Variants in STXBP5L observed in about 807,000 individuals in gnomAD.
The protein encoded by STXBP5L is syntaxin binding protein 5L, also known as syntaxin-binding protein 5-like.
STXBP5L carries 65 observed loss-of-function variants against 144.5 expected under a neutral mutation model. The observed-to-expected ratio is 0.45, with a 90% CI of 0.37 to 0.55. STXBP5L has a LOEUF of 0.55. Ranked by LOEUF, STXBP5L falls within the 20% of genes least tolerant of loss-of-function variation. The probability of loss-of-function intolerance (pLI) is 0.00; values close to 1 mark genes in which losing one functional copy is unlikely to be tolerated. For missense variants in STXBP5L, 1,298 were observed against 1,405.5 expected, an observed-to-expected ratio of 0.92 and a Z score of 1.22; for synonymous variants, 505 against 469.6, an observed-to-expected ratio of 1.08 and a Z score of -0.97.
At chr3:120,987,804 A>G (rs1170920882) in intron 3 of STXBP5L, among the ~76,000 whole-genome samples, 2 of 151,804 alleles carry the variant, frequency 1.3e-5, no homozygotes, top group East Asian at 3.8e-4. Context: ...TCTGGGTAAT[A>G]CTATCTTCAT....
chr3:120,984,937 T>C (rs1404558394), intron 3 of STXBP5L, among the ~76,000 whole-genome samples: 2 of 152,090 alleles, frequency 1.3e-5, no homozygotes, highest in Non-Finnish European at 2.9e-5. Flanking sequence ...TTTTTTCCCA[T>C]TCAGTCTCTT....
chr3:121,381,470 C>T lies in STXBP5L; in HGVS notation c.2525C>T (p.Ser842Phe), dbSNP rs2046322460. 3.1e-6 allele frequency: 5 copies of T among 1,597,066 alleles called. No homozygotes were observed. The highest frequency in any genetic ancestry group is 4.3e-6 in the Non-Finnish European group (5 of 1,175,612). Residue 842 changes from serine to phenylalanine, a missense_variant, in exon 22 of 27, where the codon TCC (serine) becomes TTC (phenylalanine). Coordinates refer to ENST00000471454, the MANE Select transcript of STXBP5L (RefSeq NM_001308330.2). Reference protein sequence around the residue: ...GTSLGMVLIISLNLPLADEQR... With the variant: ...GTSLGMVLIIFLNLPLADEQR... ...AGTCTGGGAATGGTGTTAATCATCT[C>T]CTTAAACCTACCATTAGCAGATGAA...
chr3:120,999,436 C>T (rs1943597959), intron 3 of STXBP5L, among the ~76,000 whole-genome samples: 2 of 152,142 alleles, frequency 1.3e-5, no homozygotes, highest in African/African-American at 4.8e-5. Context: ...GATCTTTCTC[C>T]ATCCCTTTAA....
chr3:121,090,509 T>C (rs780714849), intron 5 of STXBP5L, among the ~76,000 whole-genome samples: 1 of 152,158 alleles, frequency 6.6e-6, no homozygotes, highest in African/African-American at 2.4e-5. Flanking sequence ...TTCAGGAGCA[T>C]GAAAATAGAC....
chr3:120,998,738 A>C (rs573413498), intron 3 of STXBP5L, among the ~76,000 whole-genome samples: 21 of 152,324 alleles, frequency 1.4e-4, no homozygotes, highest in African/African-American at 4.3e-4. Context: ...CCAAGCTGAG[A>C]GTTAAATCAA....
chr3:121,044,918 A>G (rs1169158279), intron 4 of STXBP5L, among the ~76,000 whole-genome samples: 1 of 152,146 alleles, frequency 6.6e-6, no homozygotes, highest in Non-Finnish European at 1.5e-5. Context: ...TAATTGATGA[A>G]GCTTCTTGGA....
intron 5 of STXBP5L, among the ~76,000 whole-genome samples, chr3:121,051,774 C>A (rs1250844722): frequency 6.6e-6 from 1 of 152,020 alleles, no homozygotes; most frequent in African/African-American, 2.4e-5. Context: ...CAAAAAAACC[C>A]TTCAAAAAAT....
chr3:121,336,622 G>A (rs558647723), intron 20 of STXBP5L, among the ~76,000 whole-genome samples: 1 of 152,100 alleles, frequency 6.6e-6, no homozygotes, highest in Non-Finnish European at 1.5e-5. Flanking sequence ...ATGCTGCAAG[G>A]TTGCAGAGAA....
chr3:121,095,870 T>C (rs988304153), intron 5 of STXBP5L, among the ~76,000 whole-genome samples: 7 of 152,168 alleles, frequency 4.6e-5, no homozygotes, highest in Admixed American at 3.9e-4. Context: ...CTGTGATTTT[T>C]AGAATATTTA....
chr3:120,958,411 G>A (rs987146742), intron 3 of STXBP5L, among the ~76,000 whole-genome samples: 9 of 152,222 alleles, frequency 5.9e-5, no homozygotes, highest in Admixed American at 2.6e-4. Flanking sequence ...CATTTTATCA[G>A]GCCAGCATCA....
intron 22 of STXBP5L, among the ~76,000 whole-genome samples, chr3:121,390,604 A>T (rs141382190): frequency 6.6e-6 from 1 of 152,260 alleles, no homozygotes; most frequent in Non-Finnish European, 1.5e-5. Context: ...ATCTCTCAGT[A>T]TTTGCTTATC....
In STXBP5L at chr3:121,413,256, T is replaced by C; in HGVS notation, c.3047T>C (p.Leu1016Ser). Residue 1016 changes from leucine (L) to serine (S), a missense_variant, in exon 24 of 27, where the codon TTA (leucine) becomes TCA (serine). Leu to Ser is a moderately radical substitution (Grantham distance 145). Coordinates refer to ENST00000471454, the MANE Select transcript of STXBP5L (RefSeq NM_001308330.2). ...TFCFTNEGQA[L>S]YLVSPTEIQR... is the part of the protein sequence containing the mutation. Reference sequence around the variant, plus strand: ...TGTTTTACCAATGAAGGACAGGCATTATACCTCGTCTCTCCTACTGAAATT... The same window carrying C: ...TGTTTTACCAATGAAGGACAGGCATCATACCTCGTCTCTCCTACTGAAATT... 1 of 1,609,316 alleles carries C rather than the reference T, an allele frequency of 6.2e-7. No individual in the cohort carries two copies. Among genetic ancestry groups the C allele is most frequent in the Non-Finnish European group, 8.5e-7 (1 of 1,178,616 alleles).
chr3:121,389,401 C>G (rs534962313), intron 22 of STXBP5L, among the ~76,000 whole-genome samples: 1 of 152,256 alleles, frequency 6.6e-6, no homozygotes, highest in South Asian at 2.1e-4. Flanking sequence ...CTGCTCTGAT[C>G]TTAGTTATTT....
chr3:121,118,300 G>C (rs2044315642), intron 6 of STXBP5L, among the ~76,000 whole-genome samples: 1 of 151,724 alleles, frequency 6.6e-6, no homozygotes, highest in African/African-American at 2.4e-5. Flanking sequence ...TATCTGTGAA[G>C]ATTGTTACAT....
At chr3:121,298,884 A>T (rs2051769892) in intron 19 of STXBP5L, among the ~76,000 whole-genome samples, 1 of 152,190 alleles carries the variant, frequency 6.6e-6, no homozygotes, top group Non-Finnish European at 1.5e-5. Flanking sequence ...ACACTGAAAA[A>T]TTTGTTTAGA....
intron 3 of STXBP5L, among the ~76,000 whole-genome samples, chr3:121,002,868 C>A (rs954180585): frequency 2.0e-5 from 3 of 152,054 alleles, no homozygotes; most frequent in Admixed American, 2.0e-4. Flanking sequence ...ATCCATGTCC[C>A]TACAAAGAAC....
chr3:121,370,996 T>C (rs2046012887), intron 20 of STXBP5L, among the ~76,000 whole-genome samples: 1 of 152,226 alleles, frequency 6.6e-6, no homozygotes, highest in East Asian at 1.9e-4. Flanking sequence ...ATATTCTGAA[T>C]TCTATTTCTG....
At chr3:120,933,506 A>G (rs1280996985) in intron 2 of STXBP5L, among the ~76,000 whole-genome samples, 1 of 152,208 alleles carries the variant, frequency 6.6e-6, no homozygotes, top group Non-Finnish European at 1.5e-5. Context: ...GTAAAATAAT[A>G]TCTTTAACAA....
chr3:121,276,464 G>A (rs935800438), intron 18 of STXBP5L, among the ~76,000 whole-genome samples: 6 of 151,742 alleles, frequency 4.0e-5, no homozygotes, highest in African/African-American at 1.4e-4. Context: ...ATTATATAGT[G>A]GAGATCCATA....
Sources: gnomAD v4.1 joint callset for allele counts (sites outside exome capture counted in the v4.1 genomes callset) on GRCh38, gnomAD v4.1.1 for gene constraint, MANE v1.5 for transcripts, NCBI Gene and HGNC (gene_info 2026-07-23, HGNC 2026-07-21) for gene names.